Variants in PCDHGB1 observed in about 807,000 individuals in gnomAD.
PCDHGB1 encodes the protein protocadherin gamma subfamily B, 1.
In PCDHGB1, 34 loss-of-function variants were observed where a neutral mutation model predicts 56.6. The ratio of observed to expected loss-of-function variants is 0.60; its 90% CI spans 0.46 to 0.80. The LOEUF (loss-of-function observed/expected upper bound fraction) is 0.80. Ranked by LOEUF, PCDHGB1 falls within the 30% of genes least tolerant of loss-of-function variation. The pLI is 0.00. For missense variants in PCDHGB1, 1,278 were observed against 1,204.6 expected (o/e 1.06, Z -0.90); for synonymous variants, 561 against 505.9 (o/e 1.11, Z -1.46).
chr5:141,370,737 A>T, intron 1 of PCDHGB1: 2 of 1,613,928 alleles, frequency 1.2e-6, no homozygotes, highest in Non-Finnish European at 1.7e-6. Flanking sequence ...AAAGCCTTTA[A>T]ACTTTTTTCA....
In PCDHGB1 at chr5:141,350,851, A is replaced by G; in HGVS notation, c.591A>G (p.Leu197=). The G allele has an allele frequency of 1.2e-6, 2 of 1,614,060 alleles. No individual in the cohort carries two copies. Among genetic ancestry groups the G allele is most frequent in the South Asian group, 1.1e-5 (1 of 91,090 alleles). The change falls in exon 1 of 4, where the codon CTA becomes CTG. Residue 197 remains leucine (L), a synonymous_variant. Coordinates refer to ENST00000523390, the MANE Select transcript of PCDHGB1 (RefSeq NM_018922.3). The part of the protein sequence containing the change: ...KYPVLLLEKP[L]DREHQSSHRL... ...CGGTATTACTGCTGGAAAAACCTCTAGACAGGGAACATCAGAGCTCTCATC... is the reference window on the plus strand; with the variant it reads ...CGGTATTACTGCTGGAAAAACCTCTGGACAGGGAACATCAGAGCTCTCATC...
chr5:141,407,390 G>T (rs2094924861), intron 1 of PCDHGB1, among the ~76,000 whole-genome samples: 1 of 152,164 alleles, frequency 6.6e-6, no homozygotes, highest in Non-Finnish European at 1.5e-5. Flanking sequence ...GTATGTCATG[G>T]TAGGTAGTTA....
intron 1 of PCDHGB1, among the ~76,000 whole-genome samples, chr5:141,373,744 G>C (rs10061034): frequency 0.027 from 4,169 of 152,204 alleles, 185 homozygotes; most frequent in African/African-American, 0.096. Flanking sequence ...TCATTATCTT[G>C]GGGAGGGAAA....
intron 1 of PCDHGB1, among the ~76,000 whole-genome samples, chr5:141,448,985 A>G (rs2098621528): frequency 6.6e-6 from 1 of 152,026 alleles, no homozygotes; most frequent in South Asian, 2.1e-4. Context: ...TTCCATATTA[A>G]TATATAGAAA....
intron 1 of PCDHGB1, among the ~76,000 whole-genome samples, chr5:141,368,538 C>T (rs1004071983): frequency 6.6e-6 from 1 of 151,336 alleles, no homozygotes; most frequent in Admixed American, 6.6e-5. Context: ...ACTTGCTTTT[C>T]CATTTTTTTT....
intron 1 of PCDHGB1, chr5:141,478,712 G>A (rs1160573848): frequency 3.2e-6 from 5 of 1,547,048 alleles, no homozygotes; most frequent in Non-Finnish European, 4.4e-6. Flanking sequence ...TTTGTGAGAT[G>A]GTGGCCTGCC....
chr5:141,443,223 A>G (rs2098374731), intron 1 of PCDHGB1, among the ~76,000 whole-genome samples: 1 of 152,044 alleles, frequency 6.6e-6, no homozygotes, highest in African/African-American at 2.4e-5. Flanking sequence ...AGGCGCATCT[A>G]TAATCTTAGC....
intron 1 of PCDHGB1, chr5:141,410,392 T>C: frequency 6.2e-7 from 1 of 1,614,050 alleles, no homozygotes; most frequent in African/African-American, 1.3e-5. Flanking sequence ...TCCATCCTGG[T>C]CTCTGTGTCA....
At position 141,350,326 on chromosome 5, in the gene PCDHGB1, G is replaced by T. The variant is rs369048621; in HGVS notation, c.66G>T (p.Leu22Phe). Residue 22 changes from leucine (L) to phenylalanine (F), a missense_variant, in exon 1 of 4, where the codon TTG becomes TTT. Transcript: ENST00000523390. ...SQVLFPFLLSLFCGAISQQIR... is the reference protein window; with the variant it reads ...SQVLFPFLLSFFCGAISQQIR... ...TACTGTTTCCCTTCCTGCTGTCTTT[G>T]TTCTGCGGGGCCATCTCCCAGCAGA... 9 of 1,534,408 alleles carry T rather than the reference G, an allele frequency of 5.9e-6. No individual in the cohort carries two copies. Among genetic ancestry groups the T allele is most frequent in the African/African-American group, 1.4e-5 (1 of 72,254 alleles).
intron 1 of PCDHGB1, chr5:141,404,026 A>T: frequency 6.2e-7 from 1 of 1,613,874 alleles, no homozygotes; most frequent in Non-Finnish European, 8.5e-7. Context: ...CAGTGAGAGA[A>T]GACGCACCTC....
At chr5:141,454,471 A>C (rs774315258) in intron 1 of PCDHGB1, among the ~76,000 whole-genome samples, 7 of 152,198 alleles carry the variant, frequency 4.6e-5, no homozygotes, top group Non-Finnish European at 7.3e-5. Context: ...CAATGGCATG[A>C]TCTCAGCTCA....
chr5:141,372,918 G>C (rs1350578389), intron 1 of PCDHGB1: 1 of 1,022,894 alleles, frequency 9.8e-7, no homozygotes, highest in African/African-American at 1.6e-5. Context: ...TTATTTTATT[G>C]ATTTTCTGGT....
intron 1 of PCDHGB1, chr5:141,389,392 T>C (rs1258153986): frequency 1.9e-6 from 3 of 1,613,686 alleles, no homozygotes; most frequent in Non-Finnish European, 2.5e-6. Flanking sequence ...TCATCCTACG[T>C]GTCCATAAGC....
intron 1 of PCDHGB1, chr5:141,385,465 G>A: frequency 6.9e-7 from 1 of 1,441,910 alleles, no homozygotes; most frequent in Non-Finnish European, 9.1e-7. Flanking sequence ...TCCTTCAGTG[G>A]TGACACTTTA....
intron 1 of PCDHGB1, chr5:141,413,527 G>T (rs768496934): frequency 1.2e-6 from 2 of 1,613,820 alleles, no homozygotes; most frequent in African/African-American, 1.3e-5. Flanking sequence ...GGAAGACAGG[G>T]TGAAACTTTT....
intron 1 of PCDHGB1, chr5:141,356,142 C>G: frequency 6.2e-7 from 1 of 1,613,620 alleles, no homozygotes. Flanking sequence ...ACTCTGGATT[C>G]TATGACATAG....
intron 1 of PCDHGB1, chr5:141,422,541 T>G: frequency 6.2e-7 from 1 of 1,613,992 alleles, no homozygotes; most frequent in Non-Finnish European, 8.5e-7. Context: ...CAGAAACTCA[T>G]GTCTGGCTGA....
intron 1 of PCDHGB1, among the ~76,000 whole-genome samples, chr5:141,484,184 AG>A (rs1328674334): frequency 6.6e-6 from 1 of 152,244 alleles, no homozygotes; most frequent in Non-Finnish European, 1.5e-5. Flanking sequence ...CAATCATTCA[AG>A]GAAGCTATTA....
chr5:141,432,601 G>C lies in PCDHGB1; in HGVS notation c.2410-62206G>C. The C allele has an allele frequency of 6.2e-7, 1 of 1,613,952 alleles. No homozygotes were observed. The highest frequency in any genetic ancestry group is 8.5e-7 in the Non-Finnish European group (1 of 1,179,984). On this transcript the variant is annotated intron_variant, in intron 1 of 3. Coordinates refer to ENST00000523390, the MANE Select transcript of PCDHGB1 (RefSeq NM_018922.3). The surrounding 1 kb of genome is among the most constrained non-coding windows in gnomAD (Gnocchi z 6.0). ...ACCGTCTGCTCAAGGCCAGCGAGCC[G>C]GGACTCTTCTCGGTGGGTCTGCACA...
Sources: allele counts gnomAD v4.1 joint callset (sites outside exome capture counted in the v4.1 genomes callset), GRCh38; gene constraint gnomAD v4.1.1; non-coding constraint Gnocchi (gnomAD v3.1); transcripts MANE v1.5; gene names NCBI Gene and HGNC (gene_info 2026-07-23, HGNC 2026-07-21).